The following CACNA2D2 variants were observed in gnomAD, a reference collection of about 807,000 sequenced individuals.
The protein encoded by CACNA2D2 is calcium voltage-gated channel auxiliary subunit alpha2delta 2, also known as voltage-dependent calcium channel subunit alpha-2/delta-2.
A neutral mutation model predicts 166.4 loss-of-function variants in CACNA2D2; 48 were observed. The observed-to-expected ratio is 0.29, with a 90% CI of 0.23 to 0.37. The LOEUF is 0.37. Ranked by LOEUF, CACNA2D2 falls within the 10% of genes least tolerant of loss-of-function variation. The pLI is 1.00. For missense variants in CACNA2D2, 1,122 were observed against 1,433.0 expected (o/e 0.78, Z 3.50); for synonymous variants, 561 against 573.7 (o/e 0.98, Z 0.32).
At chr3:50,500,306 G>A (rs1013764237) in intron 1 of CACNA2D2, among the ~76,000 whole-genome samples, 2 of 152,200 alleles carry the variant, frequency 1.3e-5, no homozygotes, top group Admixed American at 6.5e-5. Flanking sequence ...AGCAGAGCTG[G>A]GCTAAGAGGG....
Position 50,375,113 on chromosome 3 carries a change from T to G in CACNA2D2, c.1908-300A>C, listed in dbSNP as rs914740296. 6.2e-4 allele frequency among the ~76,000 whole-genome samples: 94 copies of G among 152,194 alleles called. 2 individuals are homozygous for G. Among genetic ancestry groups the G allele is most frequent in the Non-Finnish European group, 2.5e-4 (17 of 68,020 alleles). On this transcript the variant is annotated intron_variant, in intron 21 of 37. Coordinates refer to ENST00000424201, the MANE Select transcript of CACNA2D2 (RefSeq NM_006030.4). The surrounding 1 kb of genome is among the most constrained non-coding windows in gnomAD (Gnocchi z 4.0). ...GCCCCCTGCCCAGCCAACCTCCCTCTGACCCACAAGGGGCAGACGCTGCCG... is the reference window on the plus strand; with the variant it reads ...GCCCCCTGCCCAGCCAACCTCCCTCGGACCCACAAGGGGCAGACGCTGCCG...
intron 3 of CACNA2D2, among the ~76,000 whole-genome samples, chr3:50,430,814 C>T (rs969330938): frequency 6.6e-6 from 1 of 152,108 alleles, no homozygotes; most frequent in South Asian, 2.1e-4. Flanking sequence ...TCAGAGGCCC[C>T]CATCTCCCTA....
At position 50,366,344 on chromosome 3, in the gene CACNA2D2, A is replaced by G. The variant is rs1363610223; in HGVS notation, c.2638-6T>C. The G allele has an allele frequency of 6.2e-7, 1 of 1,613,866 alleles. No homozygotes were observed. The highest frequency in any genetic ancestry group is 1.1e-5 in the South Asian group (1 of 91,090). On this transcript the variant is annotated splice_polypyrimidine_tract_variant and splice_region_variant and intron_variant, in intron 30 of 37. Coordinates refer to ENST00000424201, the MANE Select transcript of CACNA2D2 (RefSeq NM_006030.4). The surrounding 1 kb of genome is among the most constrained non-coding windows in gnomAD (Gnocchi z 5.9). Reference sequence around the variant, plus strand: ...ATGAGGACACAGAGTAAGTCCTAGGAGGAAGGGAATGGGGAGGAAAATGGA... The same window carrying G: ...ATGAGGACACAGAGTAAGTCCTAGGGGGAAGGGAATGGGGAGGAAAATGGA...
rs199620269 is a variant in CACNA2D2 at position 50,365,891 on chromosome 3, C to A, written c.2863-29G>T. 134 of 1,612,722 alleles carry A rather than the reference C, an allele frequency of 8.3e-5. No homozygotes were observed. Among genetic ancestry groups the A allele is most frequent in the Admixed American group, 1.7e-5 (1 of 59,976 alleles). On this transcript the variant is annotated intron_variant, in intron 32 of 37. Transcript: ENST00000424201. This position sits in a 1 kb window ranked among gnomAD's most constrained non-coding sequence, Gnocchi z 4.5. ...CAGTGGAGAGAGGGGCGTGGACTGCCACTGCTGCCCCTCGCCCTAGGTCAC... is the reference window on the plus strand; with the variant it reads ...CAGTGGAGAGAGGGGCGTGGACTGCAACTGCTGCCCCTCGCCCTAGGTCAC...
intron 1 of CACNA2D2, among the ~76,000 whole-genome samples, chr3:50,485,867 G>A (rs567527359): frequency 2.6e-5 from 4 of 152,154 alleles, no homozygotes; most frequent in Non-Finnish European, 5.9e-5. Context: ...AAACAAGCCC[G>A]GGCCTCCCAG....
chr3:50,384,305 C>A lies in CACNA2D2; in HGVS notation c.543G>T (p.Gly181=). 1.2e-6 allele frequency: 2 copies of A among 1,614,154 alleles called. No individual in the cohort carries two copies. Among genetic ancestry groups the A allele is most frequent in the South Asian group, 2.2e-5 (2 of 91,082 alleles). ...DDPESEDVER[G]SKASTLRLDF... ...CCAGCCTTAGGGTGCTGGCCTTAGA[C>A]CCCCTTTCCACATCCTCACTCTCAG... is the stretch of plus-strand genomic sequence containing the variant. The change falls in exon 6 of 38, where the codon GGG becomes GGT. Residue 181 remains glycine (G), a synonymous_variant. Transcript: ENST00000424201.
chr3:50,455,818 C>T (rs1326802433), intron 2 of CACNA2D2, among the ~76,000 whole-genome samples: 2 of 152,212 alleles, frequency 1.3e-5, no homozygotes, highest in Non-Finnish European at 2.9e-5. Flanking sequence ...CCAGCAGTAG[C>T]GCAGACTAAA....
chr3:50,422,904 T>TTGGCCCAGCTCTGCTACGCGGCCAAC (rs1707643051), intron 3 of CACNA2D2, among the ~76,000 whole-genome samples: 1 of 152,248 alleles, frequency 6.6e-6, no homozygotes, highest in Admixed American at 6.5e-5. Context: ...CAGGATTTAG[T>TTGGCCCAGCTCTGCTACGCGGCCAAC]TGGCCCAGCT....
intron 2 of CACNA2D2, among the ~76,000 whole-genome samples, chr3:50,435,544 G>A (rs949745263): frequency 2.0e-5 from 3 of 151,140 alleles, no homozygotes; most frequent in African/African-American, 7.3e-5. Context: ...AAGGAGGGGG[G>A]AGAGGCAGCC....
intron 22 of CACNA2D2, among the ~76,000 whole-genome samples, chr3:50,372,142 C>T (rs1456879688): frequency 6.6e-6 from 1 of 152,152 alleles, no homozygotes; most frequent in East Asian, 1.9e-4. Context: ...ACTCCCCTTA[C>T]TCTCTGCCAG....
chr3:50,435,301 G>A (rs1373075053), intron 2 of CACNA2D2, among the ~76,000 whole-genome samples: 2 of 151,420 alleles, frequency 1.3e-5, no homozygotes, highest in Admixed American at 1.3e-4. Context: ...GGGTGTGTGC[G>A]TGTGCGTGTG....
At chr3:50,417,044 G>A (rs952719855) in intron 3 of CACNA2D2, among the ~76,000 whole-genome samples, 1 of 152,222 alleles carries the variant, frequency 6.6e-6, no homozygotes, top group African/African-American at 2.4e-5. Flanking sequence ...GGAGAAATGT[G>A]TGCCCATGGG....
At chr3:50,468,437 GTGT>G (rs1559978568) in intron 2 of CACNA2D2, among the ~76,000 whole-genome samples, 13 of 144,730 alleles carry the variant, frequency 9.0e-5, no homozygotes, top group Admixed American at 2.8e-4. Flanking sequence ...GTGTGTGTGT[GTGT>G]GGCTTTAGGA....
chr3:50,457,455 T>C (rs1480543044), intron 2 of CACNA2D2, among the ~76,000 whole-genome samples: 1 of 152,102 alleles, frequency 6.6e-6, no homozygotes, highest in Non-Finnish European at 1.5e-5. Context: ...TTTCAAAAAC[T>C]GTCTAGAAGG....
At chr3:50,421,043 T>C (rs1707535725) in intron 3 of CACNA2D2, among the ~76,000 whole-genome samples, 1 of 152,192 alleles carries the variant, frequency 6.6e-6, no homozygotes, top group Admixed American at 6.5e-5. Context: ...CCTCAGGCCC[T>C]GCTCACTGAC....
At chr3:50,497,420 C>T (rs1698768954) in intron 1 of CACNA2D2, among the ~76,000 whole-genome samples, 1 of 152,244 alleles carries the variant, frequency 6.6e-6, no homozygotes, top group Admixed American at 6.5e-5. Context: ...CCCACCTAAT[C>T]CCAGCTAGAC....
intron 1 of CACNA2D2, among the ~76,000 whole-genome samples, chr3:50,499,018 G>A (rs1490315106): frequency 6.6e-6 from 1 of 152,224 alleles, no homozygotes; most frequent in Non-Finnish European, 1.5e-5. Flanking sequence ...TGAGGGGTCT[G>A]GCCTGGGCTC....
At chr3:50,389,446 G>A (rs1286360200) in intron 4 of CACNA2D2, among the ~76,000 whole-genome samples, 1 of 152,188 alleles carries the variant, frequency 6.6e-6, no homozygotes, top group Non-Finnish European at 1.5e-5. Context: ...GCGGTGGGAG[G>A]ACTGCAGATT....
chr3:50,394,036 C>T, intron 4 of CACNA2D2, 73 bp downstream of exon 4: 1 of 1,397,258 alleles, frequency 7.2e-7, no homozygotes, highest in Non-Finnish European at 1.0e-6. Context: ...TGGGCAGCTC[C>T]CACCCCCCAG....
Sources: gnomAD v4.1 joint callset for allele counts (sites outside exome capture counted in the v4.1 genomes callset) on GRCh38, gnomAD v4.1.1 for gene constraint, Gnocchi (gnomAD v3.1) non-coding constraint, MANE v1.5 for transcripts, NCBI Gene and HGNC (gene_info 2026-07-23, HGNC 2026-07-21) for gene names.